TNRC6C: variants seen among roughly 807,000 people sequenced by gnomAD.
TNRC6C encodes the protein trinucleotide repeat containing adaptor 6C.
Under a neutral mutation model 153.7 loss-of-function variants are expected in TNRC6C, and 20 were observed. The ratio of observed to expected loss-of-function variants is 0.13; its 90% CI spans 0.09 to 0.19. The LOEUF (loss-of-function observed/expected upper bound fraction) is 0.19. TNRC6C is among the 10% of genes least tolerant of loss of function. TNRC6C has a pLI of 1.00. For missense variants in TNRC6C, 1,987 were observed against 2,172.0 expected (o/e 0.91, Z 1.69); for synonymous variants, 811 against 841.4 (o/e 0.96, Z 0.63).
At chr17:78,097,622 G>A (rs2073510697) in intron 16 of TNRC6C, 123 bp from the exon 19 acceptor site, 1 of 623,388 alleles carries the variant, frequency 1.6e-6, no homozygotes, top group Non-Finnish European at 2.7e-6. Context: ...TTCATGTTCA[G>A]GCTTCTATTA....
intron 13 of TNRC6C, 140 bp from the exon 16 acceptor site, chr17:78,091,300 T>G (rs1217955456): frequency 5.2e-6 from 5 of 965,122 alleles, no homozygotes; most frequent in Admixed American, 4.2e-5. Flanking sequence ...CACTCCAGCC[T>G]GGGCATCAAG....
In TNRC6C at chr17:78,097,208, T is replaced by C. The variant is rs8072728; in HGVS notation, c.4307-1135T>C. Among the ~76,000 whole-genome samples, 390 of 152,202 alleles carry C rather than the reference T, an allele frequency of 2.6e-3. 3 individuals carry two copies. The highest frequency in any genetic ancestry group is 8.7e-3 in the African/African-American group (361 of 41,526). The stretch of plus-strand genomic sequence containing the variant: ...CCACTGTGCTGCAGCCTGGGTGACA[T>C]TGCAACAGCCCCATCTCTTAAAAAA... On this transcript the variant is annotated intron_variant, in intron 16 of 19. Coordinates refer to ENST00000301624, the Ensembl canonical transcript of TNRC6C.
intron 1 of TNRC6C, among the ~76,000 whole-genome samples, chr17:77,976,222 C>A (rs538023342): frequency 1.4e-4 from 21 of 152,192 alleles, no homozygotes; most frequent in African/African-American, 5.1e-4. Context: ...TTTGTGTATA[C>A]GTTTCTGTAA....
upstream of TNRC6C, among the ~76,000 whole-genome samples, chr17:77,957,786 T>C (rs1395729417): frequency 1.3e-5 from 2 of 152,230 alleles, no homozygotes; most frequent in Admixed American, 1.3e-4. Flanking sequence ...TGACCTTACC[T>C]ACCACTAATG....
chr17:78,054,836 A>G (rs1191838816), intron 3 of TNRC6C, among the ~76,000 whole-genome samples: 1 of 152,170 alleles, frequency 6.6e-6, no homozygotes, highest in East Asian at 1.9e-4. Flanking sequence ...ACGCTACCAT[A>G]CACCACTGCA....
intron 3 of TNRC6C, among the ~76,000 whole-genome samples, chr17:78,054,847 G>A (rs762787135): frequency 1.3e-5 from 2 of 152,042 alleles, no homozygotes; most frequent in Non-Finnish European, 2.9e-5. Context: ...CACCACTGCA[G>A]ACTACTGTAC....
At chr17:78,108,289 C>T (rs898678120) in exon 20 of TNRC6C, 2 of 154,472 alleles carry the variant, frequency 1.3e-5, no homozygotes, top group African/African-American at 4.8e-5. Flanking sequence ...GTGCTGCTGG[C>T]TCTGACCATA....
At chr17:78,022,567 C>T (rs1029925517) in intron 1 of TNRC6C, among the ~76,000 whole-genome samples, 1 of 152,120 alleles carries the variant, frequency 6.6e-6, no homozygotes, top group African/African-American at 2.4e-5. Context: ...GTAGCTGGGT[C>T]AGTCATCTCA....
intron 13 of TNRC6C, among the ~76,000 whole-genome samples, chr17:78,088,624 T>C (rs1216407421): frequency 1.3e-5 from 2 of 151,932 alleles, no homozygotes; most frequent in African/African-American, 2.4e-5. Flanking sequence ...TCTTTTTTTT[T>C]TCTCTCTCTT....
At chr17:77,970,694 A>G (rs1440320597) in intron 1 of TNRC6C, among the ~76,000 whole-genome samples, 1 of 152,092 alleles carries the variant, frequency 6.6e-6, no homozygotes, top group Admixed American at 6.6e-5. Flanking sequence ...TAAGCTCATC[A>G]GTTATTAATG....
At chr17:77,969,125 T>C (rs1399149374) in intron 1 of TNRC6C, among the ~76,000 whole-genome samples, 3 of 152,210 alleles carry the variant, frequency 2.0e-5, no homozygotes, top group African/African-American at 7.2e-5. Flanking sequence ...TTATTCTCCT[T>C]AATAAGAGGA....
At chr17:78,103,634 G>A in intron 19 of TNRC6C, 81 bp downstream of exon 22, 4 of 1,565,086 alleles carry the variant, frequency 2.6e-6, no homozygotes, top group Non-Finnish European at 3.5e-6. Flanking sequence ...TTGCAGGGGT[G>A]TCCTGAGCCA....
chr17:78,082,685 T>C (rs562778329), intron 10 of TNRC6C, among the ~76,000 whole-genome samples: 68 of 151,790 alleles, frequency 4.5e-4, no homozygotes, highest in African/African-American at 1.6e-3. Flanking sequence ...ATTTATAGGC[T>C]CTCCCCAAGG....
At chr17:77,991,720 A>C (rs1215449450) in intron 1 of TNRC6C, among the ~76,000 whole-genome samples, 2 of 152,204 alleles carry the variant, frequency 1.3e-5, no homozygotes, top group African/African-American at 4.8e-5. Context: ...ATATATAAGA[A>C]ATTGTTTTGA....
At chr17:77,969,343 G>C (rs2144054041) in intron 1 of TNRC6C, among the ~76,000 whole-genome samples, 1 of 152,044 alleles carries the variant, frequency 6.6e-6, no homozygotes, top group Middle Eastern at 3.4e-3. Context: ...TCTGCAACCT[G>C]GGTTCAAGCG....
chr17:78,025,050 C>T (rs1272393306), intron 1 of TNRC6C, among the ~76,000 whole-genome samples: 7 of 152,066 alleles, frequency 4.6e-5, no homozygotes, highest in Admixed American at 2.0e-4. Flanking sequence ...CGCAGCCTCC[C>T]GAAGTGCTGG....
At chr17:78,068,433 GTC>G (rs1240805507) in intron 5 of TNRC6C, among the ~76,000 whole-genome samples, 13 of 152,274 alleles carry the variant, frequency 8.5e-5, no homozygotes, top group Admixed American at 3.3e-4. Context: ...GGGATCTTCA[GTC>G]TCTAAGAGAG....
At chr17:78,107,621 T>A (rs1451250735) in exon 20 of TNRC6C, 1 of 152,282 alleles carries the variant, frequency 6.6e-6, no homozygotes, top group African/African-American at 2.4e-5. Flanking sequence ...ATTGTTTTGC[T>A]TTATTCTATC....
At chr17:78,105,634 A>AGT (rs56886704) in exon 20 of TNRC6C, 12,513 of 151,514 alleles carry the variant, frequency 0.083, 584 homozygotes, top group East Asian at 0.17. Flanking sequence ...TTGAAACAGA[A>AGT]GTGTGTGTGT....
Sources: allele counts gnomAD v4.1 joint callset (sites outside exome capture counted in the v4.1 genomes callset), GRCh38; gene constraint gnomAD v4.1.1; transcripts MANE v1.5; gene names NCBI Gene and HGNC (gene_info 2026-07-23, HGNC 2026-07-21).